The following DIAPH2 variants were observed in gnomAD, a reference collection of about 807,000 sequenced individuals.
DIAPH2 encodes the protein diaphanous related formin 2.
In DIAPH2, 35 loss-of-function variants were observed where a neutral mutation model predicts 92.7. That is an observed-to-expected ratio of 0.38 (90% confidence interval 0.29 to 0.50). DIAPH2 has a LOEUF of 0.50. DIAPH2 is among the 20% of genes least tolerant of loss of function. The pLI, the probability that DIAPH2 is intolerant of heterozygous loss-of-function variation, is 0.94. For missense variants in DIAPH2, 701 were observed against 819.5 expected (o/e 0.86, Z 1.77); for synonymous variants, 301 against 280.4 (o/e 1.07, Z -0.73).
At chrX:97,111,750 A>G (rs1340784056) in intron 20 of DIAPH2, among the ~76,000 whole-genome samples, 2 of 111,767 alleles carry the variant, frequency 1.8e-5, no homozygotes, top group Admixed American at 9.5e-5. Context: ...AATAAGACTC[A>G]AGAGGCAGTG....
chrX:97,082,868 A>G (rs183337496), intron 19 of DIAPH2, among the ~76,000 whole-genome samples: 19 of 111,804 alleles, frequency 1.7e-4, no homozygotes, highest in Middle Eastern at 4.6e-3. Context: ...GAATTATCAG[A>G]GAGATAGAGA....
At chrX:97,176,343 C>G (rs760829865) in intron 22 of DIAPH2, among the ~76,000 whole-genome samples, 3 of 111,383 alleles carry the variant, frequency 2.7e-5, no homozygotes, top group African/African-American at 6.5e-5. Flanking sequence ...TTTTAAAAAG[C>G]ATGTATTATA....
chrX:97,417,676 A>G (rs1351418164), intron 25 of DIAPH2, among the ~76,000 whole-genome samples: 1 of 110,872 alleles, frequency 9.0e-6, no homozygotes, highest in Admixed American at 9.6e-5. Context: ...CTCTGTCTTA[A>G]AAAAATAATA....
At chrX:97,193,253 A>G (rs188200530) in intron 22 of DIAPH2, among the ~76,000 whole-genome samples, 3 of 110,302 alleles carry the variant, frequency 2.7e-5, no homozygotes, top group Admixed American at 9.7e-5. Context: ...AGCTCAAGCA[A>G]TCCTCCCGCC....
chrX:97,552,930 T>A (rs967258185), intron 26 of DIAPH2, among the ~76,000 whole-genome samples: 7 of 111,495 alleles, frequency 6.3e-5, no homozygotes, highest in Admixed American at 2.9e-4. Flanking sequence ...CCTTGGCCCT[T>A]CTCACTGTGC....
At chrX:97,184,634 T>C (rs946303585) in intron 22 of DIAPH2, among the ~76,000 whole-genome samples, 1 of 111,416 alleles carries the variant, frequency 9.0e-6, no homozygotes, top group African/African-American at 3.3e-5. Context: ...TTAAAGCATA[T>C]ATGGCTCAGT....
intron 24 of DIAPH2, among the ~76,000 whole-genome samples, chrX:97,351,582 G>A (rs923041669): frequency 1.8e-5 from 2 of 111,575 alleles, no homozygotes; most frequent in Admixed American, 9.5e-5. Context: ...TTGGGAGGCC[G>A]AGGCGGGTGG....
At chrX:96,701,799 A>C (rs776090565) in intron 1 of DIAPH2, among the ~76,000 whole-genome samples, 1 of 112,151 alleles carries the variant, frequency 8.9e-6, no homozygotes, top group South Asian at 3.7e-4. Context: ...TCACCAACTC[A>C]GAAGTGGGAT....
intron 1 of DIAPH2, among the ~76,000 whole-genome samples, chrX:96,720,182 A>G (rs1213051660): frequency 1.8e-5 from 2 of 111,624 alleles, no homozygotes; most frequent in Admixed American, 9.5e-5. Flanking sequence ...AGCTTCTTTC[A>G]GTTTCCAAAC....
At chrX:96,765,554 T>C (rs891285571) in intron 4 of DIAPH2, among the ~76,000 whole-genome samples, 1 of 111,918 alleles carries the variant, frequency 8.9e-6, no homozygotes, top group Non-Finnish European at 1.9e-5. Context: ...TAGCTATTGT[T>C]AATTTCTTAC....
At chrX:97,488,934 C>T (rs1470921020) in intron 26 of DIAPH2, among the ~76,000 whole-genome samples, 1 of 111,761 alleles carries the variant, frequency 8.9e-6, no homozygotes, top group Non-Finnish European at 1.9e-5. Context: ...TATTCATGCT[C>T]TTTTGTAGTT....
At chrX:97,518,101 T>C (rs1008224783) in intron 26 of DIAPH2, among the ~76,000 whole-genome samples, 1 of 112,272 alleles carries the variant, frequency 8.9e-6, no homozygotes, top group African/African-American at 3.2e-5. Flanking sequence ...AGCAGAAGGC[T>C]TGGGGCCAGA....
intron 17 of DIAPH2, among the ~76,000 whole-genome samples, chrX:97,055,607 A>G (rs1295403067): frequency 1.8e-5 from 2 of 111,287 alleles, no homozygotes; most frequent in East Asian, 2.8e-4. Context: ...TGCAAGAAAC[A>G]TAAGCACATA....
chrX:96,836,718 T>TATATATATATACATATATATATATA lies in DIAPH2; in HGVS notation c.448-44861_448-44860insATATATATATACATATATATATATA, dbSNP rs58380012. On this transcript the variant is annotated intron_variant, in intron 4 of 26. Coordinates refer to ENST00000324765, the MANE Select transcript of DIAPH2 (RefSeq NM_006729.5). ...ATATATATATATATATATATATATA[T>TATATATATATACATATATATATATA]TTTTTTTTTTTTTTTTTTTTTTTTT... Among the ~76,000 whole-genome samples the TATATATATATACATATATATATATA allele has an allele frequency of 1.3e-4, 2 of 15,357 alleles. 1 individual carries two copies. The highest frequency in any genetic ancestry group is 6.0e-4 in the African/African-American group (2 of 3,338). 13.3% of individuals were successfully genotyped at this position (15,357 alleles called of 115,157 possible). A position where few individuals can be genotyped will look rare whatever the true frequency, so the allele number is the denominator to read the frequency against.
chrX:96,746,175 T>C (rs1356970976), intron 3 of DIAPH2, among the ~76,000 whole-genome samples: 12 of 111,985 alleles, frequency 1.1e-4, no homozygotes, highest in African/African-American at 3.9e-4. Context: ...GCTGGGATTA[T>C]AGGTATGAGC....
At chrX:96,991,369 C>T (rs1419252160) in intron 17 of DIAPH2, among the ~76,000 whole-genome samples, 1 of 110,015 alleles carries the variant, frequency 9.1e-6, no homozygotes, top group Non-Finnish European at 1.9e-5. Flanking sequence ...CCACCTGCCT[C>T]GCCCTCCCAA....
chrX:96,943,404 A>G (rs2065718550), intron 13 of DIAPH2, among the ~76,000 whole-genome samples: 2 of 111,394 alleles, frequency 1.8e-5, no homozygotes, highest in Non-Finnish European at 3.8e-5. Context: ...CAAAAAGCCA[A>G]ATGCTTTTCA....
intron 22 of DIAPH2, among the ~76,000 whole-genome samples, chrX:97,168,527 A>G (rs2067428660): frequency 1.8e-5 from 2 of 111,346 alleles, no homozygotes; most frequent in East Asian, 2.8e-4. Context: ...ATTACCTACT[A>G]CTATCAGACA....
chrX:97,403,416 T>C (rs1163879776), intron 25 of DIAPH2, among the ~76,000 whole-genome samples: 1 of 112,321 alleles, frequency 8.9e-6, no homozygotes, highest in African/African-American at 3.2e-5. Context: ...ATAGTTCTTA[T>C]CTCTCTTAAA....
Sources: gnomAD v4.1 joint callset for allele counts (sites outside exome capture counted in the v4.1 genomes callset) on GRCh38, gnomAD v4.1.1 for gene constraint, MANE v1.5 for transcripts, NCBI Gene and HGNC (gene_info 2026-07-23, HGNC 2026-07-21) for gene names.